SNCAIP: variants seen among roughly 807,000 people sequenced by gnomAD.
SNCAIP encodes synphilin-1.
SNCAIP carries 43 observed loss-of-function variants against 86.7 expected under a neutral mutation model. The observed-to-expected ratio is 0.50, with a 90% CI of 0.39 to 0.64. The LOEUF is 0.64. Ranked by LOEUF, SNCAIP falls within the 30% of genes least tolerant of loss-of-function variation. The pLI is 0.00. For missense variants in SNCAIP, 981 were observed against 1,103.1 expected, an observed-to-expected ratio of 0.89 and a Z score of 1.57; for synonymous variants, 417 against 427.2, an observed-to-expected ratio of 0.98 and a Z score of 0.29.
intron 6 of SNCAIP, among the ~76,000 whole-genome samples, chr5:122,440,020 C>T (rs953295266): frequency 6.6e-6 from 1 of 152,124 alleles, no homozygotes; most frequent in Admixed American, 6.5e-5. Context: ...CTTAAGACAC[C>T]ACCAACACTT....
intron 1 of SNCAIP, among the ~76,000 whole-genome samples, chr5:122,376,919 A>G (rs559488957): frequency 2.7e-4 from 41 of 152,258 alleles, no homozygotes; most frequent in Middle Eastern, 3.4e-3. Flanking sequence ...GAGGCCGTCT[A>G]TTCCTCCTTC....
At chr5:122,362,900 C>G (rs952135655) in intron 1 of SNCAIP, among the ~76,000 whole-genome samples, 1 of 152,070 alleles carries the variant, frequency 6.6e-6, no homozygotes, top group African/African-American at 2.4e-5. Flanking sequence ...GGGCTTAAGT[C>G]CCAGACAAAC....
At chr5:122,447,303 A>G (rs1782537076) in intron 8 of SNCAIP, among the ~76,000 whole-genome samples, 1 of 152,192 alleles carries the variant, frequency 6.6e-6, no homozygotes, top group African/African-American at 2.4e-5. Flanking sequence ...TCTATTGTCT[A>G]AGCCACCCAG....
At chr5:122,371,584 T>C (rs1486189990) in intron 1 of SNCAIP, 3 of 152,210 alleles carry the variant, frequency 2.0e-5, no homozygotes, top group Non-Finnish European at 4.4e-5. Flanking sequence ...CAGTGTGTTA[T>C]ATGTTGGGTG....
upstream of SNCAIP, chr5:122,311,762 T>C (rs1261528579): frequency 6.6e-6 from 1 of 151,922 alleles, no homozygotes; most frequent in Non-Finnish European, 1.5e-5. Flanking sequence ...GCAACGGCAG[T>C]CGAGGTAAAA....
intron 4 of SNCAIP, 79 bp downstream of exon 4, chr5:122,423,818 A>G: frequency 7.9e-7 from 1 of 1,266,076 alleles, no homozygotes; most frequent in Non-Finnish European, 1.1e-6. Context: ...TAGTAACAGA[A>G]CGATGCTGCA....
chr5:122,311,498 C>T (rs1750581930), upstream of SNCAIP: 2 of 152,430 alleles, frequency 1.3e-5, no homozygotes, highest in Admixed American at 1.3e-4. Flanking sequence ...GCTTCTCAGA[C>T]ATGAGTTTCC....
intron 1 of SNCAIP, among the ~76,000 whole-genome samples, chr5:122,350,984 A>G (rs1006159364): frequency 6.6e-6 from 1 of 152,232 alleles, no homozygotes; most frequent in Admixed American, 6.5e-5. Flanking sequence ...TTAATCCTAA[A>G]GATCATTGTT....
intron 1 of SNCAIP, among the ~76,000 whole-genome samples, chr5:122,360,533 AT>A (rs1222165160): frequency 6.6e-6 from 1 of 152,200 alleles, no homozygotes; most frequent in Non-Finnish European, 1.5e-5. Flanking sequence ...GTGAATCATA[AT>A]CTTTTCTTCA....
intron 1 of SNCAIP, among the ~76,000 whole-genome samples, chr5:122,354,839 A>C (rs1203188890): frequency 6.6e-6 from 1 of 152,184 alleles, no homozygotes; most frequent in African/African-American, 2.4e-5. Context: ...CCTTTGGAGT[A>C]TATGAGCCAT....
chr5:122,402,082 G>A (rs550196448), intron 2 of SNCAIP, among the ~76,000 whole-genome samples: 1 of 151,542 alleles, frequency 6.6e-6, no homozygotes, highest in Non-Finnish European at 1.5e-5. Context: ...CTCTTGCCTT[G>A]GATGAAAAGA....
At chr5:122,350,292 CA>C (rs1701364877) in intron 1 of SNCAIP, among the ~76,000 whole-genome samples, 1 of 152,110 alleles carries the variant, frequency 6.6e-6, no homozygotes, top group Admixed American at 6.6e-5. Flanking sequence ...AAGTACCATC[CA>C]AATATAAGAA....
chr5:122,334,083 T>A (rs1755924293), intron 1 of SNCAIP, among the ~76,000 whole-genome samples: 4 of 152,130 alleles, frequency 2.6e-5, no homozygotes, highest in Non-Finnish European at 5.9e-5. Flanking sequence ...ATGGCAGGCT[T>A]CAGTTCTCCA....
At chr5:122,376,907 G>A (rs1765436465) in intron 1 of SNCAIP, among the ~76,000 whole-genome samples, 1 of 152,106 alleles carries the variant, frequency 6.6e-6, no homozygotes, top group Admixed American at 6.5e-5. Context: ...CTTTTCAGCT[G>A]GGAGGCCGTC....
chr5:122,358,203 G>GTGTGTGTGTGTGTATA (rs1221236719), intron 1 of SNCAIP, among the ~76,000 whole-genome samples: 3 of 130,336 alleles, frequency 2.3e-5, no homozygotes, highest in African/African-American at 8.6e-5. Context: ...GTGTGTGTGT[G>GTGTGTGTGTGTGTATA]TATATATATA....
intron 1 of SNCAIP, among the ~76,000 whole-genome samples, chr5:122,330,411 G>A (rs1755068025): frequency 6.6e-6 from 1 of 152,054 alleles, no homozygotes; most frequent in Non-Finnish European, 1.5e-5. Flanking sequence ...GTGAGCCACC[G>A]CGCCCGGCCT....
chr5:122,440,947 G>GTT lies in SNCAIP; in HGVS notation c.1422+195_1422+196dup, dbSNP rs1780742261. 3 of 606,214 alleles carry GTT rather than the reference G, an allele frequency of 4.9e-6. No individual in the cohort carries two copies. In the Admixed American group the frequency reaches 8.0e-5, roughly 16 times the overall value. 37.6% of individuals were successfully genotyped at this position (606,214 alleles called of 1,614,324 possible). On this transcript the variant is annotated intron_variant, in intron 7 of 10. Transcript: ENST00000261368. ...TAGGTAGGCATAAATATCCATAAGA[G>GTT]TTTCTCTTTCAGTGTCCCAGGGTGT...
intron 3 of SNCAIP, among the ~76,000 whole-genome samples, chr5:122,410,363 C>T (rs896024886): frequency 6.6e-6 from 1 of 152,122 alleles, no homozygotes; most frequent in Non-Finnish European, 1.5e-5. Flanking sequence ...CCATGAAAGC[C>T]GAGCTGCCCC....
chr5:122,375,567 T>G lies in SNCAIP; in HGVS notation c.-46-15522T>G, dbSNP rs992577265. Among the ~76,000 whole-genome samples, 8 of 151,616 alleles carry G rather than the reference T, an allele frequency of 5.3e-5. No individual in the cohort carries two copies. In the East Asian group the frequency reaches 1.6e-3, roughly 29 times the overall value. ...TAGATATCCCCAAACTGAGACCTGGTTCTAAAAAGGCTGCATTGAAAATTA... is the reference window on the plus strand; with the variant it reads ...TAGATATCCCCAAACTGAGACCTGGGTCTAAAAAGGCTGCATTGAAAATTA... On this transcript the variant is annotated intron_variant, in intron 1 of 10. Coordinates refer to ENST00000261368, the MANE Select transcript of SNCAIP (RefSeq NM_005460.4).
Sources: gnomAD v4.1 joint callset for allele counts (sites outside exome capture counted in the v4.1 genomes callset) on GRCh38, gnomAD v4.1.1 for gene constraint, MANE v1.5 for transcripts, NCBI Gene and HGNC (gene_info 2026-07-23, HGNC 2026-07-21) for gene names.